STK3: variants seen among roughly 807,000 people sequenced by gnomAD.
STK3 encodes the protein serine/threonine-protein kinase 3.
In STK3, 41 loss-of-function variants were observed where a neutral mutation model predicts 58.0. The observed-to-expected ratio is 0.71, with a 90% confidence interval of 0.55 to 0.92. STK3 has a LOEUF of 0.92. Among genes scored for constraint, STK3 ranks in the 40% least tolerant of loss-of-function variants. The pLI, the probability that STK3 is intolerant of heterozygous loss-of-function variation, is 0.00. For missense variants in STK3, 479 were observed against 602.7 expected (o/e 0.79, Z 2.15); for synonymous variants, 170 against 191.0 (o/e 0.89, Z 0.91).
At chr8:98,889,076 G>T (rs1002612272) in intron 1 of STK3, among the ~76,000 whole-genome samples, 1 of 152,180 alleles carries the variant, frequency 6.6e-6, no homozygotes, top group African/African-American at 2.4e-5. Context: ...GAGCGACCCT[G>T]CAGCCCTCTC....
chr8:98,437,742 C>T (rs1818544601), intron 1 of STK3: 1 of 152,180 alleles, frequency 6.6e-6, no homozygotes, highest in African/African-American at 2.4e-5. Flanking sequence ...GGGTTGACTC[C>T]ACCAGGAGCG....
chr8:98,529,697 G>A (rs1826020249), intron 9 of STK3, among the ~76,000 whole-genome samples: 1 of 152,188 alleles, frequency 6.6e-6, no homozygotes, highest in Admixed American at 6.5e-5. Context: ...AAAATGTGAG[G>A]AAGGAAATTC....
intron 10 of STK3, among the ~76,000 whole-genome samples, chr8:98,492,601 T>A (rs935959336): frequency 6.6e-6 from 1 of 151,878 alleles, no homozygotes; most frequent in Non-Finnish European, 1.5e-5. Flanking sequence ...TGTTTTGTAT[T>A]TTTTTTTGGC....
intron 2 of STK3, among the ~76,000 whole-genome samples, chr8:98,772,248 G>A (rs1320272009): frequency 6.6e-6 from 1 of 152,214 alleles, no homozygotes; most frequent in Non-Finnish European, 1.5e-5. Context: ...TCAGTGATAT[G>A]GTTTGCATAT....
At chr8:98,400,365 A>C (rs1326394715), downstream of STK3, among the ~76,000 whole-genome samples, 1 of 152,230 alleles carries the variant, frequency 6.6e-6, no homozygotes, top group Non-Finnish European at 1.5e-5. Context: ...TGTCACCACG[A>C]GGGAACACAC....
chr8:98,915,432 C>CTATATGTATATA (rs1839307179), intron 1 of STK3, among the ~76,000 whole-genome samples: 2 of 94,720 alleles, frequency 2.1e-5, no homozygotes, highest in Non-Finnish European at 3.9e-5. Flanking sequence ...ATAAACTTTC[C>CTATATGTATATA]TATATATATA....
chr8:98,518,836 T>C (rs1825144543), intron 10 of STK3, among the ~76,000 whole-genome samples: 1 of 152,110 alleles, frequency 6.6e-6, no homozygotes, highest in Non-Finnish European at 1.5e-5. Context: ...CTGTTGGCTC[T>C]ACAAGGAATG....
intron 1 of STK3, among the ~76,000 whole-genome samples, chr8:98,900,959 G>A (rs576218420): frequency 1.1e-4 from 16 of 152,086 alleles, no homozygotes; most frequent in Non-Finnish European, 1.5e-4. Flanking sequence ...ACTGCACCCG[G>A]CCTATAGTTT....
intron 10 of STK3, among the ~76,000 whole-genome samples, chr8:98,501,788 T>C (rs1197578638): frequency 1.3e-5 from 2 of 152,270 alleles, no homozygotes; most frequent in Non-Finnish European, 2.9e-5. Context: ...ACTGGTACCA[T>C]GCTGTTTCAG....
chr8:98,669,925 G>C (rs1822697766), intron 6 of STK3, among the ~76,000 whole-genome samples: 1 of 152,214 alleles, frequency 6.6e-6, no homozygotes, highest in African/African-American at 2.4e-5. Context: ...GAGATGTTCA[G>C]AAGGCTGTAG....
intron 10 of STK3, among the ~76,000 whole-genome samples, chr8:98,512,909 A>T (rs1824629857): frequency 6.6e-6 from 1 of 152,162 alleles, no homozygotes; most frequent in African/African-American, 2.4e-5. Context: ...TCTATACCCA[A>T]ATGCTCCTCC....
chr8:98,914,983 AG>A (rs923974558), intron 1 of STK3, among the ~76,000 whole-genome samples: 5 of 152,224 alleles, frequency 3.3e-5, no homozygotes, highest in Admixed American at 3.3e-4. Flanking sequence ...ACTTTGGGCA[AG>A]ATCCTTAAGC....
intron 8 of STK3, among the ~76,000 whole-genome samples, chr8:98,560,097 T>C (rs1811893318): frequency 6.6e-6 from 1 of 152,126 alleles, no homozygotes; most frequent in Admixed American, 6.6e-5. Context: ...TATAGGCAAT[T>C]ACCATGTCTT....
intron 10 of STK3, among the ~76,000 whole-genome samples, chr8:98,494,182 C>A (rs995428842): frequency 5.3e-5 from 8 of 152,178 alleles, no homozygotes; most frequent in African/African-American, 1.7e-4. Flanking sequence ...ACTCTCCAGC[C>A]TCATTTCTAC....
intron 3 of STK3, among the ~76,000 whole-genome samples, chr8:98,858,822 G>T (rs1679463415): frequency 1.3e-5 from 2 of 151,224 alleles, no homozygotes; most frequent in African/African-American, 4.9e-5. Context: ...AACCCAGGAA[G>T]CGGAGGTTGC....
At chr8:98,406,800 T>C (rs547974936) in intron 3 of STK3, among the ~76,000 whole-genome samples, 2 of 152,316 alleles carry the variant, frequency 1.3e-5, no homozygotes, top group Admixed American at 6.5e-5. Flanking sequence ...AGACACAGTA[T>C]AGGCTGATGA....
the STK3 span, among the ~76,000 whole-genome samples, chr8:98,344,765 C>T: frequency 0.013 from 2,014 of 149,528 alleles, 28 homozygotes; most frequent in South Asian, 0.023. Context: ...TAGTGGCGGG[C>T]GCCTGTAGTC....
chr8:98,775,544 T>C (rs539865857), intron 1 of STK3, among the ~76,000 whole-genome samples: 2 of 152,152 alleles, frequency 1.3e-5, no homozygotes, highest in Admixed American at 6.5e-5. Flanking sequence ...CTCTGCTTTG[T>C]TGGATAAAGA....
intron 7 of STK3, among the ~76,000 whole-genome samples, chr8:98,592,472 T>C (rs1815398415): frequency 6.6e-6 from 1 of 152,212 alleles, no homozygotes; most frequent in African/African-American, 2.4e-5. Flanking sequence ...CATTGTATTA[T>C]AATTTTTTAA....
Sources: gnomAD v4.1 joint callset for allele counts (sites outside exome capture counted in the v4.1 genomes callset) on GRCh38, gnomAD v4.1.1 for gene constraint, MANE v1.5 for transcripts, NCBI Gene and HGNC (gene_info 2026-07-23, HGNC 2026-07-21) for gene names.